ARHGAP44: variants seen among roughly 807,000 people sequenced by gnomAD.
ARHGAP44 encodes the protein Rho GTPase activating protein 44.
Under a neutral mutation model 106.8 loss-of-function variants are expected in ARHGAP44, and 43 were observed. The ratio of observed to expected loss-of-function variants is 0.40; its 90% confidence interval spans 0.32 to 0.52. ARHGAP44 has a LOEUF of 0.52. Ranked by LOEUF, ARHGAP44 falls within the 20% of genes least tolerant of loss-of-function variation. The probability of loss-of-function intolerance (pLI) is 0.48; values close to 1 mark genes in which losing one functional copy is unlikely to be tolerated. For synonymous variants in ARHGAP44, 439 were observed against 410.3 expected, an observed-to-expected ratio of 1.07 and a Z score of -0.85; for missense variants, 866 against 1,050.5, an observed-to-expected ratio of 0.82 and a Z score of 2.43.
chr17:12,903,994 C>T (rs898316528), intron 3 of ARHGAP44, among the ~76,000 whole-genome samples: 15 of 152,284 alleles, frequency 9.9e-5, no homozygotes, highest in East Asian at 1.9e-4. Context: ...GTCTGTTGTG[C>T]GTTACAGTCC....
chr17:12,792,263 C>G (rs1205314131), intron 1 of ARHGAP44, among the ~76,000 whole-genome samples: 1 of 152,168 alleles, frequency 6.6e-6, no homozygotes. Flanking sequence ...CCCTTCCTCC[C>G]CTATTTACCT....
intron 16 of ARHGAP44, among the ~76,000 whole-genome samples, chr17:12,962,179 G>A (rs1598124523): frequency 1.3e-5 from 2 of 152,182 alleles, no homozygotes; most frequent in Middle Eastern, 3.4e-3. Context: ...CAAAGAAATG[G>A]TAAGTTACCG....
intron 1 of ARHGAP44, among the ~76,000 whole-genome samples, chr17:12,891,043 C>G (rs188025635): frequency 0.011 from 1,637 of 152,292 alleles, 20 homozygotes; most frequent in Non-Finnish European, 0.015. Flanking sequence ...GTGGTCTTTA[C>G]TGTCCATATT....
intron 20 of ARHGAP44, among the ~76,000 whole-genome samples, chr17:12,989,095 C>CCA (rs1479826895): frequency 2.6e-4 from 15 of 57,814 alleles, no homozygotes; most frequent in African/African-American, 6.3e-4. Flanking sequence ...GAAACTCCAC[C>CCA]CCCCCCAAAA....
rs1313354904 is a variant in ARHGAP44 at position 12,990,096 on chromosome 17, C to A, written c.2382C>A (p.Pro794=). 6.2e-7 allele frequency: 1 copy of A among 1,613,254 alleles called. No homozygotes were observed. The highest frequency in any genetic ancestry group is 2.2e-5 in the East Asian group (1 of 44,606). Residue 794 remains proline, a synonymous_variant, in exon 21 of 21, where the codon CCC becomes CCA. Transcript: ENST00000379672. ...IELGSTLRLS[P]LEHMRRHSVT... is the part of the protein sequence containing the mutation. ...TCGGGTCGACGCTCCGCCTGAGTCCCCTGGAGCACATGCGGCGACACTCAG... is the reference window on the plus strand; with the variant it reads ...TCGGGTCGACGCTCCGCCTGAGTCCACTGGAGCACATGCGGCGACACTCAG...
At chr17:12,809,562 GCCCCATGATTCAATTACCT>G (rs1203704523) in intron 1 of ARHGAP44, among the ~76,000 whole-genome samples, 1 of 152,160 alleles carries the variant, frequency 6.6e-6, no homozygotes, top group Non-Finnish European at 1.5e-5. Flanking sequence ...GGAAAGACCT[GCCCCATGATTCAATTACCT>G]CCCATCAGGT....
At position 12,988,151 on chromosome 17, in the gene ARHGAP44, C is replaced by T. The variant is rs562375848; in HGVS notation, c.2318-1881C>T. 4 of 152,328 alleles carry T rather than the reference C, an allele frequency of 2.6e-5. No homozygotes were observed. The South Asian group carries it at 8.3e-4, about 32-fold the overall frequency. 9.4% of individuals were successfully genotyped at this position (152,328 alleles called of 1,614,324 possible). On this transcript the variant is annotated intron_variant, in intron 20 of 20. Coordinates refer to ENST00000379672, the MANE Select transcript of ARHGAP44 (RefSeq NM_014859.6). ...GGCTTCTGCCCCTGAATCCCATTCC[C>T]TTGCATAGTGACTCCTCCCTTGGGG...
intron 12 of ARHGAP44, among the ~76,000 whole-genome samples, chr17:12,950,107 C>T (rs574263940): frequency 1.1e-4 from 17 of 152,172 alleles, no homozygotes; most frequent in South Asian, 2.1e-4. Flanking sequence ...GTTATAAAAA[C>T]GAAAACAAAC....
At position 12,909,074 on chromosome 17, in the gene ARHGAP44, G is replaced by A; in HGVS notation, c.275+101G>A. 3.9e-6 allele frequency: 4 copies of A among 1,029,332 alleles called. No individual in the cohort carries two copies. The South Asian group carries it at 5.2e-5, about 13-fold the overall frequency. 63.8% of individuals were successfully genotyped at this position (1,029,332 alleles called of 1,614,324 possible). A position where few individuals can be genotyped will look rare whatever the true frequency, so the allele number is the denominator to read the frequency against. ...TCAGGGAAGCACCTGAATTCTCACT[G>A]GGGACTTTAGTGGAAAAAAGGAAAA... On this transcript the variant is annotated intron_variant, in intron 4 of 20. Transcript: ENST00000379672.
chr17:12,861,653 T>TTTTTTTTTTAA (rs755400921), intron 1 of ARHGAP44, among the ~76,000 whole-genome samples: 4,325 of 59,154 alleles, frequency 0.073, 338 homozygotes, highest in African/African-American at 0.19. Context: ...ACTTTTTTTT[T>TTTTTTTTTTAA]TTTTTGAGAT....
At chr17:12,810,131 C>T (rs1014720184) in intron 1 of ARHGAP44, among the ~76,000 whole-genome samples, 8 of 152,194 alleles carry the variant, frequency 5.3e-5, no homozygotes, top group Admixed American at 5.2e-4. Context: ...ATACTGGTAG[C>T]TCCCATTTAG....
At chr17:12,919,910 A>C in intron 6 of ARHGAP44, 79 bp downstream of exon 6, 3 of 1,237,784 alleles carry the variant, frequency 2.4e-6, no homozygotes, top group South Asian at 1.4e-5. Context: ...TTAAGTAGGC[A>C]ATTGTGTTTT....
At chr17:12,872,931 G>A (rs911220369) in intron 1 of ARHGAP44, among the ~76,000 whole-genome samples, 6 of 152,122 alleles carry the variant, frequency 3.9e-5, no homozygotes, top group Non-Finnish European at 5.9e-5. Context: ...AGTCAATTCC[G>A]CGGTAACATT....
intron 1 of ARHGAP44, among the ~76,000 whole-genome samples, chr17:12,869,017 A>G (rs2036326364): frequency 6.6e-6 from 1 of 152,154 alleles, no homozygotes; most frequent in Non-Finnish European, 1.5e-5. Flanking sequence ...TTTGGAGGAC[A>G]CAAGAAATAC....
intron 1 of ARHGAP44, among the ~76,000 whole-genome samples, chr17:12,829,066 C>T (rs528137270): frequency 7.2e-5 from 11 of 152,112 alleles, no homozygotes; most frequent in Admixed American, 3.3e-4. Context: ...AAACAAGTCA[C>T]GCAACTTTCA....
At chr17:12,964,826 C>T (rs2039351709) in intron 16 of ARHGAP44, among the ~76,000 whole-genome samples, 1 of 152,110 alleles carries the variant, frequency 6.6e-6, no homozygotes, top group Non-Finnish European at 1.5e-5. Flanking sequence ...AATGTGACCT[C>T]CTTCCTAGCA....
In ARHGAP44 at chr17:12,933,849, C is replaced by CTTT. The variant is rs11303147; in HGVS notation, c.582+4818_582+4820dup. 5.3e-5 allele frequency among the ~76,000 whole-genome samples: 7 copies of CTTT among 131,538 alleles called. 1 individual carries two copies. Among genetic ancestry groups the CTTT allele is most frequent in the African/African-American group, 8.5e-5 (3 of 35,354 alleles). 86.3% of individuals were successfully genotyped at this position (131,538 alleles called of 152,430 possible). A position where few individuals can be genotyped will look rare whatever the true frequency, so the allele number is the denominator to read the frequency against. ...CTCCCCATATTTCATCACATAAATT[C>CTTT]TTTTTTTTTTTTTTTTTGAGACGGT... is the stretch of plus-strand genomic sequence containing the variant. On this transcript the variant is annotated intron_variant, in intron 7 of 20. Coordinates refer to ENST00000379672, the MANE Select transcript of ARHGAP44 (RefSeq NM_014859.6).
intron 1 of ARHGAP44, among the ~76,000 whole-genome samples, chr17:12,849,501 C>G (rs1360820080): frequency 6.6e-6 from 1 of 151,484 alleles, no homozygotes; most frequent in Non-Finnish European, 1.5e-5. Context: ...GTGGTTGTTC[C>G]CTGGAACCAA....
intron 1 of ARHGAP44, among the ~76,000 whole-genome samples, chr17:12,816,098 AG>A (rs1467410340): frequency 2.6e-5 from 4 of 152,178 alleles, no homozygotes; most frequent in Non-Finnish European, 4.4e-5. Flanking sequence ...GATTTGGAAC[AG>A]TACCTTAGTT....
Sources: gnomAD v4.1 joint callset for allele counts (sites outside exome capture counted in the v4.1 genomes callset) on GRCh38, gnomAD v4.1.1 for gene constraint, MANE v1.5 for transcripts, NCBI Gene and HGNC (gene_info 2026-07-23, HGNC 2026-07-21) for gene names.